The following CDH12 variants were observed in gnomAD, a reference collection of about 807,000 sequenced individuals.
The protein encoded by CDH12 is cadherin 12.
CDH12 carries 41 observed loss-of-function variants against 74.1 expected under a neutral mutation model. The observed-to-expected ratio is 0.55, with a 90% CI of 0.43 to 0.72. The LOEUF is 0.72. Ranked by LOEUF, CDH12 falls within the 30% of genes least tolerant of loss-of-function variation. CDH12 has a pLI of 0.00. For missense variants in CDH12, 945 were observed against 977.2 expected, an observed-to-expected ratio of 0.97 and a Z score of 0.44; for synonymous variants, 399 against 355.0, an observed-to-expected ratio of 1.12 and a Z score of -1.39.
intron 4 of CDH12, among the ~76,000 whole-genome samples, chr5:22,155,912 A>C (rs1330461657): frequency 2.0e-5 from 3 of 151,990 alleles, no homozygotes; most frequent in African/African-American, 7.2e-5. Flanking sequence ...CTTTTAATCT[A>C]ATAAAACCTA....
rs1561067980 is a variant in CDH12 at position 22,839,154 on chromosome 5, GA to G, written c.-523+13903del. On this transcript the variant is annotated intron_variant, in intron 1 of 14. Coordinates refer to ENST00000382254, the MANE Select transcript of CDH12 (RefSeq NM_004061.5). ...AGATTTTTTTGTAGGACAAGAGTTA[GA>G]AAAATTAAGGGGTTAAATATCATGC... 2.0e-5 allele frequency among the ~76,000 whole-genome samples: 3 copies of G among 152,110 alleles called. No individual in the cohort carries two copies. The South Asian group carries it at 6.2e-4, about 32-fold the overall frequency.
Position 22,022,226 on chromosome 5 carries a change from C to A in CDH12, c.232-46841G>T, listed in dbSNP as rs114915532. Among the ~76,000 whole-genome samples, 884 of 152,166 alleles carry A rather than the reference C, an allele frequency of 5.8e-3. 5 individuals carry two copies. Among genetic ancestry groups the A allele is most frequent in the African/African-American group, 0.02 (847 of 41,536 alleles). On this transcript the variant is annotated intron_variant, in intron 5 of 14. Transcript: ENST00000382254. The stretch of plus-strand genomic sequence containing the variant: ...AAATCTCATGTTGAATTGTAATTCC[C>A]AGTGTTGGGGAAGGGACCTGGTGGG...
intron 2 of CDH12, among the ~76,000 whole-genome samples, chr5:22,459,608 G>A (rs1367270281): frequency 2.0e-5 from 3 of 152,100 alleles, no homozygotes; most frequent in Non-Finnish European, 4.4e-5. Context: ...AGTATATATA[G>A]AGAAAACCAT....
chr5:22,114,526 A>C (rs1001297082), intron 4 of CDH12, among the ~76,000 whole-genome samples: 11 of 152,176 alleles, frequency 7.2e-5, no homozygotes, highest in African/African-American at 2.7e-4. Flanking sequence ...ATTATTAAAC[A>C]GTCTCCTTAT....
intron 3 of CDH12, among the ~76,000 whole-genome samples, chr5:22,404,847 C>T (rs1742873419): frequency 6.6e-6 from 1 of 152,150 alleles, no homozygotes; most frequent in Non-Finnish European, 1.5e-5. Flanking sequence ...ACATATGTGA[C>T]CATGAGAATT....
At chr5:22,647,552 C>G (rs140562106) in intron 1 of CDH12, among the ~76,000 whole-genome samples, 19 of 151,776 alleles carry the variant, frequency 1.3e-4, no homozygotes, top group Admixed American at 1.3e-3. Context: ...TCGCTGTGTC[C>G]TCACTGGTCA....
At chr5:22,528,638 C>T (rs1164611551) in intron 1 of CDH12, among the ~76,000 whole-genome samples, 1 of 152,100 alleles carries the variant, frequency 6.6e-6, no homozygotes, top group African/African-American at 2.4e-5. Context: ...CTAAGCTCAT[C>T]ATTTTCCTTC....
intron 4 of CDH12, among the ~76,000 whole-genome samples, chr5:22,117,502 A>T (rs1487682219): frequency 1.9e-3 from 88 of 45,674 alleles, no homozygotes; most frequent in South Asian, 7.1e-3. Context: ...TATATATATA[A>T]TATATATATA....
At chr5:22,310,924 A>G (rs1289840413) in intron 3 of CDH12, among the ~76,000 whole-genome samples, 1 of 152,144 alleles carries the variant, frequency 6.6e-6, no homozygotes, top group Non-Finnish European at 1.5e-5. Flanking sequence ...AATGAAAATT[A>G]TTTTCCTTGG....
chr5:22,206,473 GT>G (rs1751224158), intron 4 of CDH12, among the ~76,000 whole-genome samples: 1 of 151,834 alleles, frequency 6.6e-6, no homozygotes, highest in Non-Finnish European at 1.5e-5. Flanking sequence ...GTCTCAAACT[GT>G]GGTTCCTGGT....
chr5:22,722,150 G>T (rs1024660286), intron 1 of CDH12, among the ~76,000 whole-genome samples: 2 of 152,168 alleles, frequency 1.3e-5, no homozygotes, highest in Non-Finnish European at 2.9e-5. Flanking sequence ...TGATCAAGCT[G>T]TAGTTATTTG....
intron 4 of CDH12, among the ~76,000 whole-genome samples, chr5:22,107,557 A>G (rs548711645): frequency 2.0e-5 from 3 of 151,716 alleles, no homozygotes; most frequent in Admixed American, 1.3e-4. Flanking sequence ...GCATTAGGCT[A>G]TCTTCTATGT....
intron 1 of CDH12, among the ~76,000 whole-genome samples, chr5:22,599,822 T>C (rs952513620): frequency 2.5e-4 from 38 of 152,170 alleles, no homozygotes; most frequent in Admixed American, 1.6e-3. Flanking sequence ...ACATCATCTT[T>C]TGCCTTTAAT....
chr5:22,807,239 A>C (rs895002867), intron 1 of CDH12, among the ~76,000 whole-genome samples: 1 of 152,204 alleles, frequency 6.6e-6, no homozygotes, highest in Non-Finnish European at 1.5e-5. Flanking sequence ...ATAATATTAT[A>C]GTCATTATGT....
At chr5:22,665,328 A>T (rs1276687672) in intron 1 of CDH12, among the ~76,000 whole-genome samples, 6 of 152,018 alleles carry the variant, frequency 3.9e-5, no homozygotes, top group Non-Finnish European at 7.4e-5. Flanking sequence ...TCTAGCTGAA[A>T]TTTTTTTTCC....
At chr5:22,416,762 C>G (rs1004427731) in intron 2 of CDH12, among the ~76,000 whole-genome samples, 2 of 151,956 alleles carry the variant, frequency 1.3e-5, no homozygotes, top group Non-Finnish European at 2.9e-5. Context: ...TAGCAAGGAC[C>G]CAAATAAGAA....
At chr5:22,083,982 G>T (rs1742906948) in intron 4 of CDH12, among the ~76,000 whole-genome samples, 4 of 152,110 alleles carry the variant, frequency 2.6e-5, no homozygotes, top group Admixed American at 2.6e-4. Flanking sequence ...GGTCAATATA[G>T]TTCCTCTGAA....
intron 6 of CDH12, among the ~76,000 whole-genome samples, chr5:21,934,664 T>C (rs556569189): frequency 6.6e-6 from 1 of 152,338 alleles, no homozygotes; most frequent in East Asian, 1.9e-4. Context: ...TGTGAGTTTA[T>C]GTATACCATA....
chr5:22,570,660 T>C (rs768974481), intron 1 of CDH12, among the ~76,000 whole-genome samples: 63 of 152,168 alleles, frequency 4.1e-4, no homozygotes, highest in Non-Finnish European at 9.0e-4. Flanking sequence ...TTTAGCATAA[T>C]TCTTAAGGGT....
Sources: allele counts gnomAD v4.1 joint callset (sites outside exome capture counted in the v4.1 genomes callset), GRCh38; gene constraint gnomAD v4.1.1; transcripts MANE v1.5; gene names NCBI Gene and HGNC (gene_info 2026-07-23, HGNC 2026-07-21).